The following IFT88 variants were observed in gnomAD, a reference collection of about 807,000 sequenced individuals.
The protein encoded by IFT88 is intraflagellar transport protein 88 homolog.
IFT88 carries 74 observed loss-of-function variants against 119.5 expected under a neutral mutation model. The ratio of observed to expected loss-of-function variants is 0.62; its 90% CI spans 0.51 to 0.75. The LOEUF (loss-of-function observed/expected upper bound fraction) is 0.75. Among genes scored for constraint, IFT88 ranks in the 30% least tolerant of loss-of-function variants. The probability of loss-of-function intolerance (pLI) is 0.00; values close to 1 mark genes in which losing one functional copy is unlikely to be tolerated. For missense variants in IFT88, 961 were observed against 977.7 expected, an observed-to-expected ratio of 0.98 and a Z score of 0.23; for synonymous variants, 279 against 316.7, an observed-to-expected ratio of 0.88 and a Z score of 1.26.
At chr13:20,664,878 G>A (rs1290809115) in intron 23 of IFT88, among the ~76,000 whole-genome samples, 1 of 152,134 alleles carries the variant, frequency 6.6e-6, no homozygotes, top group Non-Finnish European at 1.5e-5. Flanking sequence ...AGGAGATCGA[G>A]ACCATCCTGG....
At chr13:20,656,284 A>G (rs2140623685) in intron 21 of IFT88, 81 bp from the exon 22 acceptor site, 4 of 523,038 alleles carry the variant, frequency 7.6e-6, no homozygotes, top group South Asian at 8.2e-5. Context: ...AATAGCCAGT[A>G]TATCAGTTAA....
chr13:20,627,119 AT>A (rs1290811322), intron 15 of IFT88, among the ~76,000 whole-genome samples: 1 of 152,218 alleles, frequency 6.6e-6, no homozygotes, highest in Non-Finnish European at 1.5e-5. Context: ...GGGTGGTTCC[AT>A]TGCATATGTT....
At chr13:20,591,954 CA>C (rs1216994223) in intron 6 of IFT88, among the ~76,000 whole-genome samples, 31 of 151,780 alleles carry the variant, frequency 2.0e-4, no homozygotes, top group Non-Finnish European at 4.3e-4. Context: ...AAAATTATAA[CA>C]AAAATTAATG....
chr13:20,598,673 A>G lies in IFT88; in HGVS notation c.617A>G (p.Gln206Arg), dbSNP rs375660619. The change falls in exon 10 of 26, where the codon CAG (glutamine) becomes CGG (arginine). Residue 206 changes from glutamine (Q) to arginine (R), a missense_variant. Coordinates refer to ENST00000351808, the MANE Select transcript of IFT88 (RefSeq NM_006531.5). ...TAGGTTCTTTTCAATTTGGCCAGTC[A>G]GTATTCAGTTAATGAAATGTATGCC... ...TYSVLFNLASQYSVNEMYAEA... is the reference protein window; with the variant it reads ...TYSVLFNLASRYSVNEMYAEA... 14 of 1,610,204 alleles carry G rather than the reference A, an allele frequency of 8.7e-6. No individual in the cohort carries two copies. Among genetic ancestry groups the G allele is most frequent in the South Asian group, 4.4e-5 (4 of 90,908 alleles).
rs372646320 is a variant in IFT88 at position 20,658,840 on chromosome 13, G to A, written c.2068+2410G>A. Among the ~76,000 whole-genome samples the A allele has an allele frequency of 5.5e-4, 84 of 152,270 alleles. 1 individual carries two copies. In the South Asian group the frequency reaches 0.016, roughly 29 times the overall value. ...CTCTTGAAGTAACCATAGCACCTCT[G>A]CACCGGACCGGAAAAGCGAATGTCT... On this transcript the variant is annotated intron_variant, in intron 22 of 25. Transcript: ENST00000351808.
chr13:20,591,084 T>G, intron 5 of IFT88, 64 bp downstream of exon 5: 2 of 1,065,494 alleles, frequency 1.9e-6, no homozygotes, highest in Non-Finnish European at 2.8e-6. Context: ...ACTACCAAAG[T>G]TTTTTTACTT....
intron 13 of IFT88, among the ~76,000 whole-genome samples, chr13:20,609,145 G>A (rs1396532401): frequency 6.6e-6 from 1 of 152,062 alleles, no homozygotes; most frequent in Non-Finnish European, 1.5e-5. Flanking sequence ...TGGCTTATGG[G>A]TCAAAAACTG....
chr13:20,603,583 T>C (rs1236293669), intron 12 of IFT88, among the ~76,000 whole-genome samples: 1 of 152,092 alleles, frequency 6.6e-6, no homozygotes, highest in Non-Finnish European at 1.5e-5. Context: ...AATGAGTTAA[T>C]GCATGTGAAA....
At chr13:20,669,867 TG>T (rs2055489452) in intron 23 of IFT88, among the ~76,000 whole-genome samples, 1 of 152,212 alleles carries the variant, frequency 6.6e-6, no homozygotes, top group Non-Finnish European at 1.5e-5. Context: ...CTTTCATCTA[TG>T]AAGGCAAGGA....
rs1245116921 is a variant in IFT88 at position 20,567,256 on chromosome 13, G to C, written c.-7G>C. ...CTGTCGCCCGCTTCCCTCAGCGTGA[G>C]GTAGGAGAAGGGCGCTGGGGCCTAG... is the stretch of plus-strand genomic sequence containing the variant. On this transcript the variant is annotated splice_region_variant and 5_prime_UTR_variant, in exon 1 of 26. Coordinates refer to ENST00000351808, the MANE Select transcript of IFT88 (RefSeq NM_006531.5). The C allele has an allele frequency of 6.6e-6, 1 of 152,274 alleles. No individual in the cohort carries two copies. The highest frequency in any genetic ancestry group is 1.5e-5 in the Non-Finnish European group (1 of 68,082). The allele number at this position is 152,274 out of a possible 1,614,324, so 9.4% of individuals were successfully genotyped here.
chr13:20,660,177 G>A (rs938906466), intron 22 of IFT88, among the ~76,000 whole-genome samples: 1 of 152,164 alleles, frequency 6.6e-6, no homozygotes, highest in African/African-American at 2.4e-5. Context: ...GGAGGGGCTG[G>A]TATTTGAGAC....
chr13:20,663,491 A>T lies in IFT88; in HGVS notation c.2069-7A>T. 6.2e-7 allele frequency: 1 copy of T among 1,610,780 alleles called. No individual in the cohort carries two copies. The highest frequency in any genetic ancestry group is 8.5e-7 in the Non-Finnish European group (1 of 1,177,972). ...ATTCTTTCCTAAATGTATATTTTAC[A>T]ATTTAGGTCTGCGTTTCTTAGTTCG... On this transcript the variant is annotated splice_region_variant and splice_polypyrimidine_tract_variant and intron_variant, in intron 22 of 25. Coordinates refer to ENST00000351808, the MANE Select transcript of IFT88 (RefSeq NM_006531.5).
rs1162881262 is a variant in IFT88 at position 20,598,657 on chromosome 13, T to C, written c.601T>C (p.Phe201Leu). Residue 201 changes from phenylalanine (F) to leucine (L), a missense_variant, in exon 10 of 26, where the codon TTC becomes CTC. By Grantham distance (22) the Phe-to-Leu change is conservative. Transcript: ENST00000351808. ...INLDLTYSVL[F>L]NLASQYSVNE... is the part of the protein sequence containing the mutation. ...ATAATATTTTCTTCCTTAGGTTCTT[T>C]TCAATTTGGCCAGTCAGTATTCAGT... The C allele has an allele frequency of 6.2e-7, 1 of 1,604,258 alleles. No individual in the cohort carries two copies. The highest frequency in any genetic ancestry group is 2.2e-5 in the East Asian group (1 of 44,642).
At chr13:20,590,682 C>T (rs1242979830) in intron 4 of IFT88, among the ~76,000 whole-genome samples, 1 of 152,106 alleles carries the variant, frequency 6.6e-6, no homozygotes, top group Non-Finnish European at 1.5e-5. Flanking sequence ...TCTGTTGCTA[C>T]TATCCAACTC....
At chr13:20,591,733 A>G (rs767424111) in intron 6 of IFT88, 52 bp downstream of exon 6, 13 of 1,193,066 alleles carry the variant, frequency 1.1e-5, no homozygotes, top group Non-Finnish European at 1.5e-5. Context: ...TTAATCTTTT[A>G]TCATTTTGTG....
chr13:20,683,432 G>T (rs1384337146), intron 24 of IFT88, among the ~76,000 whole-genome samples: 1 of 152,088 alleles, frequency 6.6e-6, no homozygotes. Context: ...ATTAGAACTT[G>T]TGCTCCCCAT....
chr13:20,610,425 T>A (rs558494529), intron 13 of IFT88, among the ~76,000 whole-genome samples: 2 of 152,170 alleles, frequency 1.3e-5, no homozygotes, highest in Non-Finnish European at 2.9e-5. Flanking sequence ...GTTGGATTTT[T>A]CTCACTAGGG....
intron 3 of IFT88, among the ~76,000 whole-genome samples, chr13:20,587,041 T>G (rs1427314089): frequency 6.6e-6 from 1 of 152,222 alleles, no homozygotes; most frequent in African/African-American, 2.4e-5. Flanking sequence ...TTTTTCTAGT[T>G]ATCTCTGTGT....
At position 20,643,462 on chromosome 13, in the gene IFT88, T is replaced by C. The variant is rs777756256; in HGVS notation, c.1690T>C (p.Leu564=). The change falls in exon 19 of 26, where the codon TTA becomes CTA. Residue 564 remains leucine (L), a synonymous_variant. Coordinates refer to ENST00000351808, the MANE Select transcript of IFT88 (RefSeq NM_006531.5). ...VLYQIANIYE[L]MENPSQAIEW... is the part of the protein sequence containing the mutation. The stretch of plus-strand genomic sequence containing the variant: ...TAACTGACATTGCATAAGATATGAA[T>C]TAATGGAAAATCCCAGTCAAGCTAT... The C allele has an allele frequency of 6.3e-7, 1 of 1,596,658 alleles. No individual in the cohort carries two copies. Among genetic ancestry groups the C allele is most frequent in the South Asian group, 1.1e-5 (1 of 87,026 alleles).
Sources: gnomAD v4.1 joint callset for allele counts (sites outside exome capture counted in the v4.1 genomes callset) on GRCh38, gnomAD v4.1.1 for gene constraint, MANE v1.5 for transcripts, NCBI Gene and HGNC (gene_info 2026-07-23, HGNC 2026-07-21) for gene names.